UBE4B: variants seen among roughly 807,000 people sequenced by gnomAD.
The protein encoded by UBE4B is ubiquitin conjugation factor E4 B.
In UBE4B, 27 loss-of-function variants were observed where a neutral mutation model predicts 148.1. That is an observed-to-expected ratio of 0.18 (90% CI 0.13 to 0.25). The LOEUF (loss-of-function observed/expected upper bound fraction) is 0.25, where lower values mean the gene tolerates loss of function less well. Ranked by LOEUF, UBE4B falls within the 10% of genes least tolerant of loss-of-function variation. The pLI is 1.00. For missense variants in UBE4B, 1,170 were observed against 1,662.4 expected (o/e 0.70, Z 5.15); for synonymous variants, 596 against 619.3 (o/e 0.96, Z 0.56).
At chr1:10,099,235 C>CT (rs1392025525) in intron 3 of UBE4B, among the ~76,000 whole-genome samples, 1 of 151,994 alleles carries the variant, frequency 6.6e-6, no homozygotes, top group Non-Finnish European at 1.5e-5. Flanking sequence ...GAGCAAGACT[C>CT]TGTCTAAAAA....
intron 1 of UBE4B, among the ~76,000 whole-genome samples, chr1:10,052,676 A>G (rs764434075): frequency 6.6e-6 from 1 of 152,094 alleles, no homozygotes; most frequent in African/African-American, 2.4e-5. Flanking sequence ...CTGCATATTC[A>G]TTTGTCATGG....
At chr1:10,153,716 G>A (rs1272513146) in intron 21 of UBE4B, among the ~76,000 whole-genome samples, 2 of 152,064 alleles carry the variant, frequency 1.3e-5, no homozygotes, top group East Asian at 3.9e-4. Flanking sequence ...TTGGAAGACT[G>A]AGGTGGGTGG....
chr1:10,114,874 A>T (rs1385667575), intron 7 of UBE4B, among the ~76,000 whole-genome samples: 2 of 152,054 alleles, frequency 1.3e-5, no homozygotes, highest in Non-Finnish European at 2.9e-5. Context: ...AAAAAAAAAG[A>T]CACAATAATT....
chr1:10,147,852 T>A (rs1309609558), intron 19 of UBE4B, among the ~76,000 whole-genome samples: 1 of 152,196 alleles, frequency 6.6e-6, no homozygotes. Context: ...ATTATTATTA[T>A]TTTACTGTTA....
chr1:10,048,696 T>C (rs1643966329), intron 1 of UBE4B, among the ~76,000 whole-genome samples: 2 of 152,190 alleles, frequency 1.3e-5, no homozygotes, highest in African/African-American at 4.8e-5. Flanking sequence ...GACTATGGGA[T>C]TTGGCGACAT....
rs1240890868 is a variant in UBE4B at position 10,168,289 on chromosome 1, C to T, written c.3333+19C>T. ...CAGACCGGTGAGTAGAAACCCGGGG[C>T]TCTGTTTGGTGGTTTGGACTCCACA... On this transcript the variant is annotated intron_variant, in intron 24 of 27. Coordinates refer to ENST00000343090, the MANE Select transcript of UBE4B (RefSeq NM_001105562.3). The surrounding 1 kb of genome is among the most constrained non-coding windows in gnomAD (Gnocchi z 4.9). The T allele has an allele frequency of 6.2e-7, 1 of 1,612,818 alleles. No individual in the cohort carries two copies. Among genetic ancestry groups the T allele is most frequent in the African/African-American group, 1.3e-5 (1 of 74,858 alleles).
At chr1:10,167,208 G>A (rs776086982) in intron 23 of UBE4B, among the ~76,000 whole-genome samples, 1 of 151,906 alleles carries the variant, frequency 6.6e-6, no homozygotes, top group Non-Finnish European at 1.5e-5. Flanking sequence ...GGGAGGCCAA[G>A]GCAGGCTGAT....
chr1:10,090,920 A>C (rs1644837975), intron 2 of UBE4B, among the ~76,000 whole-genome samples: 1 of 152,096 alleles, frequency 6.6e-6, no homozygotes, highest in African/African-American at 2.4e-5. Context: ...AGGAAATATT[A>C]CAATACTAGG....
chr1:10,097,804 T>C (rs970462177), intron 3 of UBE4B, among the ~76,000 whole-genome samples: 1 of 152,118 alleles, frequency 6.6e-6, no homozygotes, highest in Non-Finnish European at 1.5e-5. Flanking sequence ...AGTGAGACTT[T>C]GTCTCAAAAA....
At position 10,051,760 on chromosome 1, in the gene UBE4B, G is replaced by A. The variant is rs551415267; in HGVS notation, c.24+18066G>A. ...CTGCATATCAGGACTAAAGAATACAGCCTGAGGTGACACACTTTACTCCCA... is the reference window on the plus strand; with the variant it reads ...CTGCATATCAGGACTAAAGAATACAACCTGAGGTGACACACTTTACTCCCA... On this transcript the variant is annotated intron_variant, in intron 1 of 27. Coordinates refer to ENST00000343090, the MANE Select transcript of UBE4B (RefSeq NM_001105562.3). Among the ~76,000 whole-genome samples the A allele has an allele frequency of 3.8e-4, 58 of 152,268 alleles. 1 individual carries two copies. The highest frequency in any genetic ancestry group is 1.2e-3 in the African/African-American group (50 of 41,560).
At chr1:10,078,829 G>A (rs1461868158) in intron 2 of UBE4B, among the ~76,000 whole-genome samples, 1 of 152,032 alleles carries the variant, frequency 6.6e-6, no homozygotes, top group Non-Finnish European at 1.5e-5. Flanking sequence ...AGAGCTGGCA[G>A]GTTTCATTTT....
chr1:10,139,570 A>G (rs76799377), intron 17 of UBE4B, among the ~76,000 whole-genome samples: 2 of 152,150 alleles, frequency 1.3e-5, no homozygotes, highest in Admixed American at 6.5e-5. Context: ...TGGATTTAAG[A>G]CAGTTAATAT....
intron 1 of UBE4B, among the ~76,000 whole-genome samples, chr1:10,060,991 C>T (rs1262053207): frequency 2.0e-5 from 3 of 152,112 alleles, no homozygotes; most frequent in Non-Finnish European, 4.4e-5. Context: ...AATGATCCTC[C>T]CACCTTGGCT....
chr1:10,034,378 C>G (rs1487280496), intron 1 of UBE4B, among the ~76,000 whole-genome samples: 2 of 152,046 alleles, frequency 1.3e-5, no homozygotes, highest in African/African-American at 4.8e-5. Context: ...CAAGTGGAAG[C>G]AAATGACTTT....
chr1:10,114,484 C>G (rs1201846833), intron 7 of UBE4B, among the ~76,000 whole-genome samples: 2 of 152,082 alleles, frequency 1.3e-5, no homozygotes, highest in African/African-American at 2.4e-5. Context: ...TATTACAGTA[C>G]TCACTTTTCA....
rs1300057389 is a variant in UBE4B at position 10,034,186 on chromosome 1, AGACAGATTCTTT to A, written c.24+495_24+506del. ...TATTTTTGCTTGAGGGGTGGTTTACAGACAGATTCTTTGATATTTAACAAAATATGTATCTTC... is the reference window on the plus strand; with the variant it reads ...TATTTTTGCTTGAGGGGTGGTTTACAGATATTTAACAAAATATGTATCTTC... On this transcript the variant is annotated intron_variant, in intron 1 of 27. Transcript: ENST00000343090. Among the ~76,000 whole-genome samples, 27 of 152,342 alleles carry A rather than the reference AGACAGATTCTTT, an allele frequency of 1.8e-4. 2 individuals are homozygous for A. The highest frequency in any genetic ancestry group is 5.8e-4 in the African/African-American group (24 of 41,594).
At chr1:10,151,240 CACTT>C in intron 20 of UBE4B, 82 bp from the exon 21 acceptor site, 1 of 1,247,688 alleles carries the variant, frequency 8.0e-7, no homozygotes, top group Non-Finnish European at 1.2e-6. Flanking sequence ...TTCCCCTCCT[CACTT>C]ACTGACACCA....
chr1:10,072,435 C>CTT (rs34652791), intron 2 of UBE4B: 935 of 543,460 alleles, frequency 1.7e-3, no homozygotes, highest in South Asian at 7.0e-3. Context: ...TAACTTCCAT[C>CTT]TTTTTTTTTT....
chr1:10,118,360 T>C (rs1410975252), intron 8 of UBE4B, among the ~76,000 whole-genome samples: 2 of 152,074 alleles, frequency 1.3e-5, no homozygotes, highest in Non-Finnish European at 2.9e-5. Context: ...TTTTTTGAGA[T>C]GGAGTCTCGT....
Sources: gnomAD v4.1 joint callset for allele counts (sites outside exome capture counted in the v4.1 genomes callset) on GRCh38, gnomAD v4.1.1 for gene constraint, Gnocchi (gnomAD v3.1) non-coding constraint, MANE v1.5 for transcripts, NCBI Gene and HGNC (gene_info 2026-07-23, HGNC 2026-07-21) for gene names.